The following ADGRL3 variants were observed in gnomAD, a reference collection of about 807,000 sequenced individuals.
The protein encoded by ADGRL3 is calcium-independent alpha-latrotoxin receptor 3.
ADGRL3 carries 62 observed loss-of-function variants against 153.5 expected under a neutral mutation model. The observed-to-expected ratio is 0.40, with a 90% confidence interval of 0.33 to 0.50. ADGRL3 has a LOEUF of 0.50. Ranked by LOEUF, ADGRL3 falls within the 20% of genes least tolerant of loss-of-function variation. The pLI, the probability that ADGRL3 is intolerant of heterozygous loss-of-function variation, is 0.47. For synonymous variants in ADGRL3, 710 were observed against 672.5 expected, an observed-to-expected ratio of 1.06 and a Z score of -0.86; for missense variants, 1,641 against 1,859.4, an observed-to-expected ratio of 0.88 and a Z score of 2.16.
intron 25 of ADGRL3, among the ~76,000 whole-genome samples, chr4:62,062,125 T>C (rs548550312): frequency 6.6e-6 from 1 of 152,068 alleles, no homozygotes; most frequent in Non-Finnish European, 1.5e-5. Flanking sequence ...CATCGTTTAA[T>C]GTTTTTCACC....
intron 15 of ADGRL3, among the ~76,000 whole-genome samples, chr4:61,938,126 C>A (rs2098846851): frequency 6.6e-6 from 1 of 151,950 alleles, no homozygotes; most frequent in African/African-American, 2.4e-5. Context: ...GAAAGAATTG[C>A]CAGTGACTAA....
At position 61,391,855 on chromosome 4, in the gene ADGRL3, C is replaced by CTTTTTTTTTTTTTTTTTTTTTT. The variant is rs869176171; in HGVS notation, c.-174+8667_-174+8688dup. ...AAAATTATCCAAGTGAAAAATGCTA[C>CTTTTTTTTTTTTTTTTTTTTTT]TTTTTTTTTTTTTTTTTTTTTTGAG... On this transcript the variant is annotated intron_variant, in intron 2 of 26. Coordinates refer to ENST00000683033, the MANE Select transcript of ADGRL3 (RefSeq NM_001387552.1). Among the ~76,000 whole-genome samples, 5 of 93,656 alleles carry CTTTTTTTTTTTTTTTTTTTTTT rather than the reference C, an allele frequency of 5.3e-5. 2 individuals carry two copies. 61.4% of individuals were successfully genotyped at this position (93,656 alleles called of 152,430 possible). A position where few individuals can be genotyped will look rare whatever the true frequency, so the allele number is the denominator to read the frequency against.
intron 2 of ADGRL3, among the ~76,000 whole-genome samples, chr4:61,409,324 CAT>C (rs1001876521): frequency 7.6e-5 from 10 of 130,778 alleles, no homozygotes; most frequent in African/African-American, 2.2e-4. Context: ...ATATATTAGA[CAT>C]ATATATTAGA....
chr4:61,431,438 G>C lies in ADGRL3; in HGVS notation c.-174+48249G>C, dbSNP rs544498063. 7.2e-5 allele frequency among the ~76,000 whole-genome samples: 11 copies of C among 152,288 alleles called. No homozygotes were observed. In the South Asian group the frequency reaches 1.9e-3, roughly 26 times the overall value. ...ATAGTCGATGAGCCACTAAGATAGA[G>C]GACAACTCTTCTTTTAAAGAGTGAT... On this transcript the variant is annotated intron_variant, in intron 2 of 26. Transcript: ENST00000683033.
At chr4:61,412,835 A>G (rs192192765) in intron 2 of ADGRL3, among the ~76,000 whole-genome samples, 2 of 152,124 alleles carry the variant, frequency 1.3e-5, no homozygotes, top group Admixed American at 1.3e-4. Context: ...CATTTTTGTA[A>G]TTGCTCATTG....
chr4:61,624,784 G>A (rs1320523498), intron 5 of ADGRL3, among the ~76,000 whole-genome samples: 1 of 152,014 alleles, frequency 6.6e-6, no homozygotes, highest in East Asian at 1.9e-4. Flanking sequence ...AGAATTTGAA[G>A]TGAAGATAAA....
intron 13 of ADGRL3, among the ~76,000 whole-genome samples, chr4:61,921,033 C>T (rs1390745511): frequency 6.6e-6 from 1 of 151,762 alleles, no homozygotes; most frequent in Non-Finnish European, 1.5e-5. Flanking sequence ...TAATAAACTA[C>T]CATAGATTTA....
At chr4:61,946,713 C>T (rs2098926416) in intron 15 of ADGRL3, among the ~76,000 whole-genome samples, 1 of 152,076 alleles carries the variant, frequency 6.6e-6, no homozygotes, top group African/African-American at 2.4e-5. Context: ...GGGATTGAGG[C>T]TCATTTTAAA....
intron 9 of ADGRL3, among the ~76,000 whole-genome samples, chr4:61,883,467 T>G (rs1348573643): frequency 6.6e-6 from 1 of 152,198 alleles, no homozygotes. Context: ...CCATATACTT[T>G]GCTAGGTACT....
At chr4:61,372,829 T>C (rs1335204294) in intron 1 of ADGRL3, among the ~76,000 whole-genome samples, 4 of 152,134 alleles carry the variant, frequency 2.6e-5, no homozygotes, top group Non-Finnish European at 5.9e-5. Flanking sequence ...TCCCCCAGTC[T>C]CGCTGCCGCC....
intron 13 of ADGRL3, among the ~76,000 whole-genome samples, chr4:61,913,229 C>G (rs1005063430): frequency 2.0e-5 from 3 of 152,108 alleles, no homozygotes; most frequent in Non-Finnish European, 4.4e-5. Flanking sequence ...CTATCTTACT[C>G]TCTTACTTAT....
chr4:61,577,094 A>T (rs545058321), intron 4 of ADGRL3, among the ~76,000 whole-genome samples: 1 of 152,088 alleles, frequency 6.6e-6, no homozygotes, highest in East Asian at 1.9e-4. Context: ...GGGACAAAAC[A>T]AAACAAAACA....
At chr4:61,347,446 T>A (rs2095943545) in intron 1 of ADGRL3, among the ~76,000 whole-genome samples, 1 of 152,166 alleles carries the variant, frequency 6.6e-6, no homozygotes, top group South Asian at 2.1e-4. Flanking sequence ...ATTCAGTATG[T>A]AATTCATGAC....
At chr4:61,318,201 A>AG (rs1174925092) in intron 1 of ADGRL3, among the ~76,000 whole-genome samples, 1 of 116,028 alleles carries the variant, frequency 8.6e-6, no homozygotes, top group Non-Finnish European at 1.8e-5. Flanking sequence ...CTCAAAAAAA[A>AG]AAAAAAAAAA....
intron 17 of ADGRL3, among the ~76,000 whole-genome samples, chr4:61,967,297 A>G (rs765608097): frequency 1.3e-5 from 2 of 152,164 alleles, no homozygotes; most frequent in Non-Finnish European, 2.9e-5. Flanking sequence ...ACAATGTAGT[A>G]ATTAAACATA....
Position 61,534,868 on chromosome 4 carries a change from A to T in ADGRL3, c.259+17350A>T, listed in dbSNP as rs542470701. On this transcript the variant is annotated intron_variant, in intron 4 of 26. Coordinates refer to ENST00000683033, the MANE Select transcript of ADGRL3 (RefSeq NM_001387552.1). ...AGAGTCTTTAAGATTTTATAAGATCATGTCATCAGTGAACAGAGATAATTT... is the reference window on the plus strand; with the variant it reads ...AGAGTCTTTAAGATTTTATAAGATCTTGTCATCAGTGAACAGAGATAATTT... 9.5e-4 allele frequency among the ~76,000 whole-genome samples: 144 copies of T among 152,254 alleles called. 2 individuals are homozygous for T. The highest frequency in any genetic ancestry group is 3.2e-3 in the African/African-American group (133 of 41,554).
intron 8 of ADGRL3, among the ~76,000 whole-genome samples, chr4:61,791,648 T>C (rs528975369): frequency 6.6e-6 from 1 of 152,144 alleles, no homozygotes; most frequent in Admixed American, 6.5e-5. Flanking sequence ...TTGTGTGGAG[T>C]TCCTTCTGCA....
At chr4:61,957,718 T>C (rs2098972952) in intron 17 of ADGRL3, among the ~76,000 whole-genome samples, 1 of 151,918 alleles carries the variant, frequency 6.6e-6, no homozygotes, top group Non-Finnish European at 1.5e-5. Context: ...CTGCTGTTGA[T>C]ACAAATAAAA....
At chr4:61,489,685 T>C (rs1251478756) in intron 2 of ADGRL3, among the ~76,000 whole-genome samples, 1 of 152,066 alleles carries the variant, frequency 6.6e-6, no homozygotes, top group Non-Finnish European at 1.5e-5. Context: ...GTGATGTCAC[T>C]ATCTAAATAA....
Sources: gnomAD v4.1 joint callset for allele counts (sites outside exome capture counted in the v4.1 genomes callset) on GRCh38, gnomAD v4.1.1 for gene constraint, MANE v1.5 for transcripts, NCBI Gene and HGNC (gene_info 2026-07-23, HGNC 2026-07-21) for gene names.